Variants in FANCC observed in about 807,000 individuals in gnomAD.
FANCC encodes the protein FA complementation group C.
In FANCC, 55 loss-of-function variants were observed where a neutral mutation model predicts 71.3. The observed-to-expected ratio is 0.77, with a 90% CI of 0.62 to 0.97. The LOEUF is 0.97. FANCC is among the 50% of genes least tolerant of loss of function. The pLI, the probability that FANCC is intolerant of heterozygous loss-of-function variation, is 0.00. For missense variants in FANCC, 678 were observed against 670.9 expected (o/e 1.01, Z -0.12); for synonymous variants, 275 against 244.9 (o/e 1.12, Z -1.15).
chr9:95,256,560 C>T (rs1048054612), intron 1 of FANCC, among the ~76,000 whole-genome samples: 1 of 152,092 alleles, frequency 6.6e-6, no homozygotes, highest in Admixed American at 6.6e-5. Flanking sequence ...AAAGGAAAAC[C>T]CAGTACCAGC....
intron 4 of FANCC, among the ~76,000 whole-genome samples, chr9:95,212,328 G>GA (rs1415674590): frequency 3.9e-5 from 6 of 152,060 alleles, no homozygotes; most frequent in Admixed American, 1.3e-4. Flanking sequence ...TCAATCTTCT[G>GA]AAAATCTATG....
intron 6 of FANCC, among the ~76,000 whole-genome samples, chr9:95,164,877 T>C (rs2135539482): frequency 6.6e-6 from 1 of 152,272 alleles, no homozygotes; most frequent in South Asian, 2.1e-4. Context: ...CTTCTTTAAA[T>C]GTCTGATAGA....
At chr9:95,228,772 G>A (rs1396996014) in intron 4 of FANCC, among the ~76,000 whole-genome samples, 1 of 152,160 alleles carries the variant, frequency 6.6e-6, no homozygotes, top group East Asian at 1.9e-4. Context: ...TGTTCTCGGA[G>A]AGGAGCAGTG....
intron 1 of FANCC, among the ~76,000 whole-genome samples, chr9:95,296,632 G>T (rs1218912249): frequency 1.3e-5 from 2 of 152,164 alleles, no homozygotes; most frequent in African/African-American, 4.8e-5. Context: ...TATGAAGACA[G>T]AAAGTGGAGA....
intron 1 of FANCC, among the ~76,000 whole-genome samples, chr9:95,259,629 T>C (rs1350777452): frequency 6.6e-6 from 1 of 152,172 alleles, no homozygotes; most frequent in East Asian, 1.9e-4. Context: ...GACATAGGCA[T>C]GGACAAAGAC....
At chr9:95,294,425 G>A in intron 1 of FANCC, 31 of 1,604,600 alleles carry the variant, frequency 1.9e-5, no homozygotes, top group Non-Finnish European at 2.6e-5. Context: ...AACTTCTTAG[G>A]CCTTGAGATG....
At chr9:95,177,112 T>C (rs1410139162) in intron 4 of FANCC, among the ~76,000 whole-genome samples, 1 of 152,230 alleles carries the variant, frequency 6.6e-6, no homozygotes, top group Non-Finnish European at 1.5e-5. Flanking sequence ...GGCAGTTTCT[T>C]TGCGTGCAAA....
At chr9:95,263,533 T>G (rs901314874) in intron 1 of FANCC, among the ~76,000 whole-genome samples, 8 of 147,254 alleles carry the variant, frequency 5.4e-5, no homozygotes, top group East Asian at 3.9e-4. Flanking sequence ...TATATATAGA[T>G]ATAGATAGAT....
At chr9:95,161,992 C>A (rs894744396) in intron 6 of FANCC, among the ~76,000 whole-genome samples, 1 of 152,182 alleles carries the variant, frequency 6.6e-6, no homozygotes, top group Non-Finnish European at 1.5e-5. Flanking sequence ...CAGGCACCCG[C>A]CACCACACCC....
At chr9:95,126,670 C>T in intron 8 of FANCC, 89 bp from the exon 9 acceptor site, 2 of 1,339,544 alleles carry the variant, frequency 1.5e-6, no homozygotes, top group Non-Finnish European at 2.1e-6. Flanking sequence ...TTACTGGGAA[C>T]TGCTGATGTC....
At chr9:95,192,381 G>C (rs1466462060) in intron 4 of FANCC, among the ~76,000 whole-genome samples, 1 of 152,200 alleles carries the variant, frequency 6.6e-6, no homozygotes, top group Admixed American at 6.5e-5. Context: ...CCAGGGATGG[G>C]AAACCCAGTA....
chr9:95,187,202 C>T (rs901674159), intron 4 of FANCC, among the ~76,000 whole-genome samples: 1 of 152,206 alleles, frequency 6.6e-6, no homozygotes, highest in African/African-American at 2.4e-5. Context: ...GCGAGCGTTA[C>T]GCACTCCCAG....
chr9:95,271,545 C>T (rs1832717180), intron 1 of FANCC, among the ~76,000 whole-genome samples: 1 of 152,142 alleles, frequency 6.6e-6, no homozygotes, highest in Non-Finnish European at 1.5e-5. Context: ...GGGAATGTGG[C>T]CATGTCAGTT....
intron 4 of FANCC, among the ~76,000 whole-genome samples, chr9:95,232,614 TG>T (rs1202156218): frequency 2.6e-5 from 4 of 152,176 alleles, no homozygotes; most frequent in Admixed American, 2.6e-4. Context: ...TTCAAAGAAA[TG>T]TTTTTTTATG....
intron 4 of FANCC, among the ~76,000 whole-genome samples, chr9:95,177,998 A>C (rs1396719546): frequency 6.6e-6 from 1 of 152,118 alleles, no homozygotes; most frequent in Non-Finnish European, 1.5e-5. Context: ...GCACAGCTCA[A>C]CACAAATTTG....
At chr9:95,240,603 A>T (rs776063128) in intron 4 of FANCC, 46 bp downstream of exon 4, 1 of 1,434,628 alleles carries the variant, frequency 7.0e-7, no homozygotes, top group Non-Finnish European at 9.8e-7. Flanking sequence ...ACTTTTAAAT[A>T]ATCAATTTAA....
intron 1 of FANCC, among the ~76,000 whole-genome samples, chr9:95,251,444 T>C (rs968091485): frequency 2.0e-5 from 3 of 152,094 alleles, no homozygotes; most frequent in East Asian, 1.9e-4. Flanking sequence ...GCCTCCCAAA[T>C]AGCTGGGATT....
chr9:95,260,549 G>A (rs140374973), intron 1 of FANCC, among the ~76,000 whole-genome samples: 1,710 of 152,100 alleles, frequency 0.011, 29 homozygotes, highest in African/African-American at 0.039. Flanking sequence ...GGGGGTTGGG[G>A]GACTAGGAAA....
intron 1 of FANCC, among the ~76,000 whole-genome samples, chr9:95,277,584 G>A (rs1250001623): frequency 1.3e-5 from 2 of 152,044 alleles, no homozygotes; most frequent in Non-Finnish European, 2.9e-5. Flanking sequence ...CCCCAAATAA[G>A]ATAAATGCAA....
Sources: allele counts gnomAD v4.1 joint callset (sites outside exome capture counted in the v4.1 genomes callset), GRCh38; gene constraint gnomAD v4.1.1; transcripts MANE v1.5; gene names NCBI Gene and HGNC (gene_info 2026-07-23, HGNC 2026-07-21).